The following TULP4 variants were observed in gnomAD, a reference collection of about 807,000 sequenced individuals.
The protein encoded by TULP4 is tubby-related protein 4.
In TULP4, 16 loss-of-function variants were observed where a neutral mutation model predicts 129.0. The observed-to-expected ratio is 0.12, with a 90% CI of 0.08 to 0.19. TULP4 has a LOEUF of 0.19. TULP4 is among the 10% of genes least tolerant of loss of function. The probability of loss-of-function intolerance (pLI) is 1.00; values close to 1 mark genes in which losing one functional copy is unlikely to be tolerated. For synonymous variants in TULP4, 998 were observed against 854.0 expected, an observed-to-expected ratio of 1.17 and a Z score of -2.94; for missense variants, 1,842 against 2,059.1, an observed-to-expected ratio of 0.89 and a Z score of 2.04.
intron 1 of TULP4, among the ~76,000 whole-genome samples, chr6:158,245,483 C>T (rs776014951): frequency 2.6e-5 from 4 of 151,898 alleles, no homozygotes; most frequent in Non-Finnish European, 2.9e-5. Flanking sequence ...GAGGTATGTC[C>T]TCTCAGATAG....
At chr6:158,465,224 T>C (rs1369206692) in intron 6 of TULP4, among the ~76,000 whole-genome samples, 7 of 152,182 alleles carry the variant, frequency 4.6e-5, no homozygotes, top group African/African-American at 1.7e-4. Flanking sequence ...GTAGGTTGGG[T>C]GGCTTAGAAT....
At chr6:158,447,412 T>C (rs957228861) in intron 3 of TULP4, among the ~76,000 whole-genome samples, 3 of 152,330 alleles carry the variant, frequency 2.0e-5, no homozygotes, top group Admixed American at 6.5e-5. Context: ...AGGCAAATTG[T>C]TTTAGCCTTT....
intron 6 of TULP4, among the ~76,000 whole-genome samples, chr6:158,463,830 T>C (rs1323722666): frequency 2.0e-5 from 3 of 152,032 alleles, no homozygotes; most frequent in African/African-American, 7.2e-5. Flanking sequence ...CTTTTAATTG[T>C]GGTAAAACAC....
At chr6:158,458,202 A>G (rs1010309146) in intron 5 of TULP4, among the ~76,000 whole-genome samples, 5 of 152,180 alleles carry the variant, frequency 3.3e-5, no homozygotes, top group African/African-American at 1.2e-4. Context: ...TGACCCAGTA[A>G]TACCACACAA....
chr6:158,237,468 A>T lies in TULP4; in HGVS notation n.68+5165A>T, dbSNP rs907161228. The T allele has an allele frequency of 5.8e-6, 9 of 1,541,322 alleles. No homozygotes were observed. In the African/African-American group the frequency reaches 1.1e-4, roughly 19 times the overall value. On this transcript the variant is annotated intron_variant and non_coding_transcript_variant, in intron 1 of 1. Coordinates refer to the TULP4 transcript ENST00000620026. ...AGGCAGATAGTGTCGCTGCACTGCCAGGTCTTGGGGAGGTGGGTGGGCTAC... is the reference window on the plus strand; with the variant it reads ...AGGCAGATAGTGTCGCTGCACTGCCTGGTCTTGGGGAGGTGGGTGGGCTAC...
At chr6:158,374,985 G>C (rs1289653619) in intron 1 of TULP4, among the ~76,000 whole-genome samples, 2 of 152,186 alleles carry the variant, frequency 1.3e-5, no homozygotes, top group African/African-American at 4.8e-5. Context: ...GCTCACACCT[G>C]TAATCCCAGC....
At chr6:158,239,184 C>T (rs1180138334) in intron 1 of TULP4, among the ~76,000 whole-genome samples, 4 of 103,438 alleles carry the variant, frequency 3.9e-5, no homozygotes, top group African/African-American at 1.4e-4. Flanking sequence ...GGGCGGGGGG[C>T]TGACCCCCCC....
chr6:158,314,363 C>T (rs1449227552), intron 1 of TULP4, 95 bp downstream of exon 1: 64 of 1,451,518 alleles, frequency 4.4e-5, no homozygotes, highest in Non-Finnish European at 6.0e-5. Context: ...GTTTCATAGA[C>T]TTGCTGCCTA....
At chr6:158,380,663 G>C (rs1777299286) in intron 1 of TULP4, among the ~76,000 whole-genome samples, 1 of 152,058 alleles carries the variant, frequency 6.6e-6, no homozygotes, top group Non-Finnish European at 1.5e-5. Flanking sequence ...GGAGGTTGAG[G>C]CGGGTGGATT....
intron 1 of TULP4, among the ~76,000 whole-genome samples, chr6:158,368,255 A>G (rs777435422): frequency 3.3e-5 from 5 of 152,148 alleles, no homozygotes; most frequent in Non-Finnish European, 7.4e-5. Context: ...AATTATCATT[A>G]ATGGTAAAAT....
intron 4 of TULP4, among the ~76,000 whole-genome samples, chr6:158,449,857 TC>T (rs1779128744): frequency 6.6e-6 from 1 of 152,144 alleles, no homozygotes; most frequent in African/African-American, 2.4e-5. Context: ...TTCACCAGCA[TC>T]CCATCCCCTG....
At chr6:158,498,871 G>A in intron 12 of TULP4, 59 bp downstream of exon 12, 3 of 1,595,288 alleles carry the variant, frequency 1.9e-6, no homozygotes, top group Admixed American at 3.4e-5. Context: ...ATCATGCAAG[G>A]GGGACAGAGC....
intron 2 of TULP4, among the ~76,000 whole-genome samples, chr6:158,427,239 A>G (rs947933313): frequency 9.2e-5 from 14 of 152,192 alleles, no homozygotes; most frequent in East Asian, 7.7e-4. Flanking sequence ...TGAACATACT[A>G]TATGGTACCA....
intron 1 of TULP4, among the ~76,000 whole-genome samples, chr6:158,248,418 C>T (rs12176194): frequency 0.16 from 23,685 of 151,538 alleles, 2,473 homozygotes; most frequent in East Asian, 0.43. Flanking sequence ...TATAGGCACC[C>T]GCCACCACGC....
chr6:158,292,245 T>C (rs534907007), intron 1 of TULP4, among the ~76,000 whole-genome samples: 12 of 152,348 alleles, frequency 7.9e-5, no homozygotes, highest in Admixed American at 3.3e-4. Context: ...TCTGATAGAA[T>C]GACCAACTGT....
At position 158,498,731 on chromosome 6, in the gene TULP4, G is replaced by A. The variant is rs1422654146; in HGVS notation, c.1933G>A (p.Val645Ile). The stretch of plus-strand genomic sequence containing the variant: ...GCAGATGACCATTTATCTCCCAGAA[G>A]TTCGGAAAATTTCCATGGACTATAT... ...PRQMTIYLPE[V>I]RKISMDYINL... The change falls in exon 12 of 14, where the codon GTT becomes ATT. Residue 645 changes from valine to isoleucine, a missense_variant. By Grantham distance (29) the Val-to-Ile change is conservative (BLOSUM62 3). Around this residue, in one of 5 missense-constraint regions of TULP4, gnomAD observed 99 missense variants for 165.1 expected, o/e 0.60. Transcript: ENST00000367097. 6.2e-7 allele frequency: 1 copy of A among 1,614,080 alleles called. No homozygotes were observed. Among genetic ancestry groups the A allele is most frequent in the Non-Finnish European group, 8.5e-7 (1 of 1,180,046 alleles).
chr6:158,307,507 G>A (rs1779236209), upstream of TULP4, among the ~76,000 whole-genome samples: 1 of 152,070 alleles, frequency 6.6e-6, no homozygotes, highest in African/African-American at 2.4e-5. Flanking sequence ...TTTTTGAGAC[G>A]GAGTCTCACT....
intron 1 of TULP4, among the ~76,000 whole-genome samples, chr6:158,294,377 A>T (rs527377915): frequency 6.6e-6 from 1 of 152,188 alleles, no homozygotes; most frequent in South Asian, 2.1e-4. Flanking sequence ...AAAAAAATAA[A>T]AAAAAAAATA....
chr6:158,239,925 G>A (rs1583665284), intron 1 of TULP4, among the ~76,000 whole-genome samples: 1 of 66,128 alleles, frequency 1.5e-5, no homozygotes, highest in Admixed American at 1.6e-4. Context: ...GGACGGGGCG[G>A]CTGGCCGGGC....
Sources: gnomAD v4.1 joint callset for allele counts (sites outside exome capture counted in the v4.1 genomes callset) on GRCh38, gnomAD v4.1.1 for gene constraint, gnomAD v4.1.1 regional missense constraint, MANE v1.5 for transcripts, NCBI Gene and HGNC (gene_info 2026-07-23, HGNC 2026-07-21) for gene names.